MAP1A: variants seen among roughly 807,000 people sequenced by gnomAD.
MAP1A encodes the protein microtubule associated protein 1A, also known as microtubule-associated protein 1A.
A neutral mutation model predicts 185.9 loss-of-function variants in MAP1A; 42 were observed. The observed-to-expected ratio is 0.23, with a 90% CI of 0.18 to 0.29. The LOEUF (loss-of-function observed/expected upper bound fraction) is 0.29. Among genes scored for constraint, MAP1A ranks in the 10% least tolerant of loss-of-function variants. The pLI, the probability that MAP1A is intolerant of heterozygous loss-of-function variation, is 1.00. For synonymous variants in MAP1A, 1,229 were observed against 1,335.9 expected (o/e 0.92, Z 1.74); for missense variants, 2,995 against 3,450.4 (o/e 0.87, Z 3.31).
At chr15:43,519,458 T>C (rs2079311365) in intron 1 of MAP1A, among the ~76,000 whole-genome samples, 1 of 152,148 alleles carries the variant, frequency 6.6e-6, no homozygotes, top group African/African-American at 2.4e-5. Flanking sequence ...AAGAGAGAGC[T>C]GGGTCACAGA....
Position 43,528,424 on chromosome 15 carries a change from C to A in MAP1A, c.6951C>A (p.Ala2317=), listed in dbSNP as rs2079355751. The A allele has an allele frequency of 6.2e-7, 1 of 1,613,636 alleles. No homozygotes were observed. The highest frequency in any genetic ancestry group is 1.1e-5 in the South Asian group (1 of 91,090). Reference sequence around the variant, plus strand: ...CACCCCCAGCTTCACTGGACTTGGCCCTAGCTCCAGCTCCAAGCCTGCCTG... The same window carrying A: ...CACCCCCAGCTTCACTGGACTTGGCACTAGCTCCAGCTCCAAGCCTGCCTG... ...SPAPPASLDL[A]LAPAPSLPGD... The change falls in exon 4 of 6, where the codon GCC becomes GCA. Residue 2317 remains alanine (A), a synonymous_variant. Transcript: ENST00000300231.
At chr15:43,515,759 G>A (rs1277350702), upstream of MAP1A, among the ~76,000 whole-genome samples, 1 of 152,198 alleles carries the variant, frequency 6.6e-6, no homozygotes, top group African/African-American at 2.4e-5. Flanking sequence ...GTAAAATGGT[G>A]GATCAAGTCT....
Position 43,525,735 on chromosome 15 carries a change from C to G in MAP1A, c.4262C>G (p.Ala1421Gly), listed in dbSNP as rs2079340391. The G allele has an allele frequency of 1.2e-6, 2 of 1,614,158 alleles. No homozygotes were observed. The highest frequency in any genetic ancestry group is 1.3e-5 in the African/African-American group (1 of 75,024). The change falls in exon 4 of 6, where the codon GCC becomes GGC. Residue 1421 changes from alanine to glycine, a missense_variant. By Grantham distance (60) the Ala-to-Gly change is moderately conservative. Around this residue, in one of 3 missense-constraint regions of MAP1A, gnomAD observed 2,728 missense variants for 2,986.0 expected, o/e 0.91. Transcript: ENST00000300231. ...KGRDLEQKDT[A>G]LEQKDKALEP... is the part of the protein sequence containing the mutation. ...AGAGACTTAGAGCAAAAAGACACAG[C>G]CCTAGAACAGAAGGACAAGGCCCTG...
exon 1 of MAP1A, chr15:43,511,110 C>T: frequency 1.3e-6 from 2 of 1,550,340 alleles, no homozygotes; most frequent in Non-Finnish European, 1.7e-6. Flanking sequence ...CTGTGCGAGG[C>T]CGGAGCCGCG....
Position 43,524,590 on chromosome 15 carries a change from G to T in MAP1A, c.3117G>T (p.Val1039=), listed in dbSNP as rs908658550. ...GAGACACTAAGCGCACACCAGGTGTGGGCAAAGAAGATGCTGCTGAGGAGA... is the reference window on the plus strand; with the variant it reads ...GAGACACTAAGCGCACACCAGGTGTTGGCAAAGAAGATGCTGCTGAGGAGA... The part of the protein sequence containing the change: ...SWGDTKRTPG[V]GKEDAAEETV... The change falls in exon 4 of 6, where the codon GTG becomes GTT. Residue 1039 remains valine (V), a synonymous_variant. Coordinates refer to ENST00000300231, the MANE Select transcript of MAP1A (RefSeq NM_002373.6). 3.1e-6 allele frequency: 5 copies of T among 1,614,006 alleles called. No individual in the cohort carries two copies. The highest frequency in any genetic ancestry group is 3.4e-6 in the Non-Finnish European group (4 of 1,180,016).
Position 43,530,452 on chromosome 15 carries a change from A to G in MAP1A, c.*228A>G, listed in dbSNP as rs537333893. 5 of 566,830 alleles carry G rather than the reference A, an allele frequency of 8.8e-6. No homozygotes were observed. The highest frequency in any genetic ancestry group is 3.7e-5 in the African/African-American group (2 of 53,396). The allele number at this position is 566,830 out of a possible 1,614,324, so 35.1% of individuals were successfully genotyped here. A position where few individuals can be genotyped will look rare whatever the true frequency, so the allele number is the denominator to read the frequency against. The stretch of plus-strand genomic sequence containing the variant: ...ACAGGGAGAGGATGGGGGAGGGGAC[A>G]AATTAGAATAGGATAGCATCTGATG... On this transcript the variant is annotated 3_prime_UTR_variant, in exon 6 of 6. Transcript: ENST00000300231.
Position 43,524,474 on chromosome 15 carries a change from G to A in MAP1A, c.3001G>A (p.Gly1001Ser). 6.2e-7 allele frequency: 1 copy of A among 1,614,110 alleles called. No homozygotes were observed. Among genetic ancestry groups the A allele is most frequent in the Non-Finnish European group, 8.5e-7 (1 of 1,180,010 alleles). ...GAAGATGGCTTCTCCTCCACCATCT[G>A]GCCCACCCAGTGCCACCCACACACC... ...TVKMASPPPS[G>S]PPSATHTPFH... Residue 1001 changes from glycine to serine, a missense_variant, in exon 4 of 6, where the codon GGC (glycine) becomes AGC (serine). Gly to Ser is a moderately conservative substitution (Grantham distance 56, BLOSUM62 0). Coordinates refer to ENST00000300231, the MANE Select transcript of MAP1A (RefSeq NM_002373.6).
upstream of MAP1A, among the ~76,000 whole-genome samples, chr15:43,517,451 A>G (rs2079301673): frequency 6.6e-6 from 1 of 152,086 alleles, no homozygotes; most frequent in South Asian, 2.1e-4. Context: ...ACAATCCCTC[A>G]GCCCCACAGA....
intron 1 of MAP1A, among the ~76,000 whole-genome samples, chr15:43,519,128 A>G (rs2079310172): frequency 1.3e-5 from 2 of 152,132 alleles, no homozygotes; most frequent in South Asian, 4.2e-4. Context: ...AATCTGAACG[A>G]CTTAAGGCTG....
rs1328842530 is a variant in MAP1A at position 43,529,638 on chromosome 15, T to C, written c.8036-12T>C. ...CTTTTCCTCTACAATGAATCCTGGCTTGTCTCTACAGTGGCCTTGAGTTCC... is the reference window on the plus strand; with the variant it reads ...CTTTTCCTCTACAATGAATCCTGGCCTGTCTCTACAGTGGCCTTGAGTTCC... On this transcript the variant is annotated splice_polypyrimidine_tract_variant and intron_variant, in intron 4 of 5. Coordinates refer to ENST00000300231, the MANE Select transcript of MAP1A (RefSeq NM_002373.6). The surrounding 1 kb of genome is among the most constrained non-coding windows in gnomAD (Gnocchi z 4.3). 1.2e-6 allele frequency: 2 copies of C among 1,613,482 alleles called. No homozygotes were observed. The highest frequency in any genetic ancestry group is 8.5e-7 in the Non-Finnish European group (1 of 1,179,384).
Position 43,517,616 on chromosome 15 carries a change from C to A in MAP1A, c.-459C>A. 3.2e-6 allele frequency: 3 copies of A among 928,112 alleles called. No individual in the cohort carries two copies. Among genetic ancestry groups the A allele is most frequent in the South Asian group, 5.0e-5 (1 of 20,068 alleles). The allele number at this position is 928,112 out of a possible 1,614,324, so 57.5% of individuals were successfully genotyped here. A position where few individuals can be genotyped will look rare whatever the true frequency, so the allele number is the denominator to read the frequency against. On this transcript the variant is annotated 5_prime_UTR_variant, in exon 1 of 6. Transcript: ENST00000300231. ...CCCCCACCGCCCGCCCCACTCCCAC[C>A]CTAAGTGCTGCAGACTCTTCCCTGA...
Position 43,524,329 on chromosome 15 carries a change from G to A in MAP1A, c.2856G>A (p.Glu952=). ...EEETANVEMS[E]KLCSQYGTPV... ...AGACAGCAAACGTAGAGATGTCTGA[G>A]AAACTTTGCAGTCAATATGGAACTC... Residue 952 remains glutamate (E), a synonymous_variant, in exon 4 of 6, where the codon GAG becomes GAA. Transcript: ENST00000300231. The A allele has an allele frequency of 6.2e-7, 1 of 1,614,232 alleles. No homozygotes were observed. Among genetic ancestry groups the A allele is most frequent in the Non-Finnish European group, 8.5e-7 (1 of 1,180,036 alleles).
Position 43,529,408 on chromosome 15 carries a change from T to G in MAP1A, c.7935T>G (p.Pro2645=). The change falls in exon 4 of 6, where the codon CCT becomes CCG. Residue 2645 remains proline (P), a synonymous_variant. Coordinates refer to ENST00000300231, the MANE Select transcript of MAP1A (RefSeq NM_002373.6). The surrounding 1 kb of genome is among the most constrained non-coding windows in gnomAD (Gnocchi z 4.3). ...GPADRASRAP[P]RPRSTTSQVT... ...CAGATCGAGCATCCCGGGCCCCACC[T>G]CGACCACGCAGCACCACAAGCCAGG... 1.9e-6 allele frequency: 3 copies of G among 1,613,772 alleles called. No individual in the cohort carries two copies. Among genetic ancestry groups the G allele is most frequent in the Non-Finnish European group, 2.5e-6 (3 of 1,179,990 alleles).
Position 43,529,807 on chromosome 15 carries a change from G to A in MAP1A, c.8193G>A (p.Glu2731=), listed in dbSNP as rs777875415. 141 of 1,614,044 alleles carry A rather than the reference G, an allele frequency of 8.7e-5. 1 individual carries two copies. In the South Asian group the frequency reaches 1.4e-3, roughly 16 times the overall value. Residue 2731 remains glutamate, a synonymous_variant, in exon 5 of 6, where the codon GAG becomes GAA. Coordinates refer to ENST00000300231, the MANE Select transcript of MAP1A (RefSeq NM_002373.6). The surrounding 1 kb of genome is among the most constrained non-coding windows in gnomAD (Gnocchi z 4.3). ...GTGGGAATGACCCTGCCAATGGCGA[G>A]CCAAGCCGGGCTGTGCTGGATGCCC... ...VVSGNDPANG[E]PSRAVLDALL...
In MAP1A at chr15:43,527,505, C is replaced by T. The variant is rs755474329; in HGVS notation, c.6032C>T (p.Thr2011Ile). ...AAGGAGGCAGCTGCCGGCCGAAACA[C>T]ATCTGCAGAGAAGGAGCTTTCATCT... ...STKEAAAGRNTSAEKELSSPI... is the reference protein window; with the variant it reads ...STKEAAAGRNISAEKELSSPI... The change falls in exon 4 of 6, where the codon ACA becomes ATA. Residue 2011 changes from threonine to isoleucine, a missense_variant. Thr to Ile is a moderately conservative substitution (Grantham distance 89). Coordinates refer to ENST00000300231, the MANE Select transcript of MAP1A (RefSeq NM_002373.6). The T allele has an allele frequency of 6.8e-6, 11 of 1,614,122 alleles. No individual in the cohort carries two copies. The South Asian group carries it at 8.8e-5, about 13-fold the overall frequency.
chr15:43,522,649 G>A lies in MAP1A; in HGVS notation c.1176G>A (p.Lys392=). Residue 392 remains lysine (K), a synonymous_variant, in exon 4 of 6, where the codon AAG becomes AAA. Coordinates refer to ENST00000300231, the MANE Select transcript of MAP1A (RefSeq NM_002373.6). This position sits in a 1 kb window ranked among gnomAD's most constrained non-coding sequence, Gnocchi z 5.9. ...CAAGTGAGGCACTGAAGGCAGAGAA[G>A]CGAAAGCTGATCAAAGACAAGGTAG... is the stretch of plus-strand genomic sequence containing the variant. ...TESSEALKAE[K]RKLIKDKVGK... is the part of the protein sequence containing the mutation. 6.2e-7 allele frequency: 1 copy of A among 1,612,798 alleles called. No homozygotes were observed. The highest frequency in any genetic ancestry group is 8.5e-7 in the Non-Finnish European group (1 of 1,179,474).
At position 43,525,664 on chromosome 15, in the gene MAP1A, G is replaced by T. The variant is rs2079340097; in HGVS notation, c.4191G>T (p.Lys1397Asn). ...IYQKDEALHV[K>N]NEAVKQQDKA... ...AGAAAGATGAGGCTCTGCATGTAAA[G>T]AATGAGGCTGTGAAACAGCAGGATA... Residue 1397 changes from lysine to asparagine, a missense_variant, in exon 4 of 6, where the codon AAG (lysine) becomes AAT (asparagine). Physicochemically the swap from Lys to Asn is moderately conservative, Grantham distance 94. Around this residue, in one of 3 missense-constraint regions of MAP1A, gnomAD observed 2,728 missense variants for 2,986.0 expected, o/e 0.91. Transcript: ENST00000300231. 6.2e-7 allele frequency: 1 copy of T among 1,613,976 alleles called. No homozygotes were observed. The highest frequency in any genetic ancestry group is 1.3e-5 in the African/African-American group (1 of 74,890).
Position 43,523,262 on chromosome 15 carries a change from C to T in MAP1A, c.1789C>T (p.Pro597Ser). 1 of 1,613,772 alleles carries T rather than the reference C, an allele frequency of 6.2e-7. No individual in the cohort carries two copies. Among genetic ancestry groups the T allele is most frequent in the South Asian group, 1.1e-5 (1 of 91,038 alleles). Reference sequence around the variant, plus strand: ...TGTGATGAAGGAGAAAGAGCTTGTCCCAGAGGTCCCTGAGGAACAAGGCAG... The same window carrying T: ...TGTGATGAAGGAGAAAGAGCTTGTCTCAGAGGTCCCTGAGGAACAAGGCAG... Reference protein sequence around the residue: ...EHVMKEKELVPEVPEEQGSKD... With the variant: ...EHVMKEKELVSEVPEEQGSKD... The change falls in exon 4 of 6, where the codon CCA (proline) becomes TCA (serine). Residue 597 changes from proline to serine, a missense_variant. Physicochemically the swap from Pro to Ser is moderately conservative, Grantham distance 74. Transcript: ENST00000300231.
chr15:43,511,049 C>T, exon 1 of MAP1A: 1 of 1,549,106 alleles, frequency 6.5e-7, no homozygotes, highest in Non-Finnish European at 8.7e-7. Context: ...AACTCCGGGG[C>T]TGGGGCTCCG....
Sources: allele counts gnomAD v4.1 joint callset (sites outside exome capture counted in the v4.1 genomes callset), GRCh38; gene constraint gnomAD v4.1.1; regional missense constraint gnomAD v4.1.1; non-coding constraint Gnocchi (gnomAD v3.1); transcripts MANE v1.5; gene names NCBI Gene and HGNC (gene_info 2026-07-23, HGNC 2026-07-21).